Variants in RERE observed in about 807,000 individuals in gnomAD.
RERE encodes the protein arginine-glutamic acid dipeptide repeats protein.
Under a neutral mutation model 146.1 loss-of-function variants are expected in RERE, and 40 were observed. The observed-to-expected ratio is 0.27, with a 90% CI of 0.21 to 0.36. The LOEUF is 0.36. Ranked by LOEUF, RERE falls within the 10% of genes least tolerant of loss-of-function variation. RERE has a pLI of 1.00. For synonymous variants in RERE, 1,003 were observed against 866.0 expected, an observed-to-expected ratio of 1.16 and a Z score of -2.78; for missense variants, 1,933 against 2,138.7, an observed-to-expected ratio of 0.90 and a Z score of 1.90.
In RERE at chr1:8,500,078, A is replaced by T. The variant is rs1189636687; in HGVS notation, c.880-2549T>A. 2.0e-5 allele frequency among the ~76,000 whole-genome samples: 3 copies of T among 152,202 alleles called. No individual in the cohort carries two copies. In the East Asian group the frequency reaches 5.8e-4, roughly 29 times the overall value. On this transcript the variant is annotated intron_variant, in intron 8 of 22. Coordinates refer to ENST00000400908, the MANE Select transcript of RERE (RefSeq NM_001042681.2). ...GGAGGTTCCCGTGAGCTGAGATTGC[A>T]CCACTGCACTCCAGCTTGGGTGACA... is the stretch of plus-strand genomic sequence containing the variant.
rs531634887 is a variant in RERE, at chr1:8,654,043, C to T, written c.325+1930G>A. 5.1e-4 allele frequency among the ~76,000 whole-genome samples: 74 copies of T among 144,480 alleles called. No homozygotes were observed. The East Asian group carries it at 0.012, about 23-fold the overall frequency. 94.8% of individuals were successfully genotyped at this position (144,480 alleles called of 152,430 possible). On this transcript the variant is annotated intron_variant, in intron 2 of 22. Transcript: ENST00000400908. ...CTAGCACTGACTTTTTTTTTTTTTG[C>T]GGGGGGGAGGGGTGGAGACAGGGTT... is the stretch of plus-strand genomic sequence containing the variant.
intron 4 of RERE, among the ~76,000 whole-genome samples, chr1:8,566,677 C>T (rs1646156845): frequency 6.6e-6 from 1 of 152,082 alleles, no homozygotes. Context: ...GACACAGAAT[C>T]CTGTTGGTGG....
intron 7 of RERE, among the ~76,000 whole-genome samples, chr1:8,529,963 C>G (rs1161112815): frequency 6.6e-6 from 1 of 152,162 alleles, no homozygotes; most frequent in African/African-American, 2.4e-5. Context: ...GCCTTGTTTT[C>G]TCTCCTAGTT....
intron 1 of RERE, among the ~76,000 whole-genome samples, chr1:8,751,978 A>T (rs900242624): frequency 2.6e-5 from 4 of 151,960 alleles, no homozygotes; most frequent in Non-Finnish European, 5.9e-5. Flanking sequence ...GATCAATTCA[A>T]TATAATAATA....
chr1:8,398,761 A>G (rs1258467600), intron 12 of RERE, among the ~76,000 whole-genome samples: 2 of 152,162 alleles, frequency 1.3e-5, no homozygotes, highest in Non-Finnish European at 2.9e-5. Flanking sequence ...CACTACACCC[A>G]TGGAATCTGG....
chr1:8,509,297 C>A (rs1406931997), intron 7 of RERE, among the ~76,000 whole-genome samples: 1 of 152,056 alleles, frequency 6.6e-6, no homozygotes, highest in Non-Finnish European at 1.5e-5. Context: ...TCCTGTAGTA[C>A]AATTCCAGTC....
chr1:8,466,167 GA>G (rs1265636239), intron 10 of RERE, 144 bp from the exon 11 acceptor site: 10 of 677,990 alleles, frequency 1.5e-5, no homozygotes, highest in Non-Finnish European at 2.4e-5. Context: ...GTAGGCGCAG[GA>G]ATTTGTTCTC....
intron 12 of RERE, among the ~76,000 whole-genome samples, chr1:8,389,461 T>G (rs1461447668): frequency 2.6e-5 from 4 of 152,210 alleles, no homozygotes; most frequent in Admixed American, 2.6e-4. Context: ...TCTGCTGCTG[T>G]GCGGCTCAGT....
intron 11 of RERE, among the ~76,000 whole-genome samples, chr1:8,439,760 C>T (rs1357089392): frequency 6.6e-6 from 1 of 152,162 alleles, no homozygotes; most frequent in Non-Finnish European, 1.5e-5. Context: ...GTCTGAGAGT[C>T]TAATGCAACA....
intron 2 of RERE, among the ~76,000 whole-genome samples, chr1:8,649,411 T>C (rs1647489160): frequency 1.3e-5 from 2 of 152,164 alleles, no homozygotes; most frequent in Non-Finnish European, 2.9e-5. Context: ...TTAATGTTTC[T>C]AGAAATTTCT....
At chr1:8,734,615 A>T (rs1557511376) in intron 1 of RERE, among the ~76,000 whole-genome samples, 1 of 152,226 alleles carries the variant, frequency 6.6e-6, no homozygotes, top group Non-Finnish European at 1.5e-5. Flanking sequence ...CAGTAAAATG[A>T]AGGTAATTAT....
At chr1:8,446,324 T>C (rs1481345931) in intron 11 of RERE, among the ~76,000 whole-genome samples, 1 of 152,082 alleles carries the variant, frequency 6.6e-6, no homozygotes, top group Non-Finnish European at 1.5e-5. Flanking sequence ...TTGGTGAATC[T>C]GAAGATTACG....
intron 11 of RERE, among the ~76,000 whole-genome samples, chr1:8,459,073 G>A (rs77956576): frequency 0.01 from 1,551 of 152,170 alleles, 5 homozygotes; most frequent in Middle Eastern, 0.017. Flanking sequence ...TCTCATTTCC[G>A]AAAGGACTTG....
rs1290494208 is a variant in RERE at position 8,364,440 on chromosome 1, G to A, written c.1541-185C>T. 6.6e-6 allele frequency among the ~76,000 whole-genome samples: 1 copy of A among 152,032 alleles called. No homozygotes were observed. Among genetic ancestry groups the A allele is most frequent in the Non-Finnish European group, 1.5e-5 (1 of 67,984 alleles). On this transcript the variant is annotated intron_variant, in intron 14 of 22. Coordinates refer to ENST00000400908, the MANE Select transcript of RERE (RefSeq NM_001042681.2). The surrounding 1 kb of genome is among the most constrained non-coding windows in gnomAD (Gnocchi z 5.1). ...CCCAAGGCCAGGAGAGGGTTTCAGG[G>A]GCATCTGCTGCCCACTTCAACTTGG...
chr1:8,646,933 C>T (rs1316063883), intron 2 of RERE, among the ~76,000 whole-genome samples: 1 of 152,104 alleles, frequency 6.6e-6, no homozygotes, highest in Admixed American at 6.6e-5. Flanking sequence ...TCAGCCTGGG[C>T]AACATGGCAA....
intron 4 of RERE, among the ~76,000 whole-genome samples, chr1:8,567,748 TG>T (rs1157226428): frequency 6.6e-6 from 1 of 152,182 alleles, no homozygotes; most frequent in Admixed American, 6.5e-5. Context: ...GGTAAAACCT[TG>T]GGAATATTTG....
intron 3 of RERE, among the ~76,000 whole-genome samples, chr1:8,622,100 T>C (rs1214479954): frequency 1.3e-5 from 2 of 152,302 alleles, no homozygotes; most frequent in East Asian, 1.9e-4. Flanking sequence ...TGTGTTGTAT[T>C]AGACCAATAC....
intron 1 of RERE, among the ~76,000 whole-genome samples, chr1:8,767,922 C>T (rs1383328484): frequency 6.6e-6 from 1 of 152,184 alleles, no homozygotes; most frequent in Non-Finnish European, 1.5e-5. Context: ...GCAGAGATCA[C>T]ACCACTGTAC....
intron 12 of RERE, among the ~76,000 whole-genome samples, chr1:8,401,034 AAAC>A (rs1643237464): frequency 7.7e-5 from 2 of 26,142 alleles, no homozygotes; most frequent in Non-Finnish European, 2.0e-4. Context: ...AAAAAAAAAA[AAAC>A]CATATATATA....
Sources: allele counts gnomAD v4.1 joint callset (sites outside exome capture counted in the v4.1 genomes callset), GRCh38; gene constraint gnomAD v4.1.1; non-coding constraint Gnocchi (gnomAD v3.1); transcripts MANE v1.5; gene names NCBI Gene and HGNC (gene_info 2026-07-23, HGNC 2026-07-21).